RBBP7: variants seen among roughly 807,000 people sequenced by gnomAD.
RBBP7 encodes the protein RB binding protein 7, chromatin remodeling factor.
In RBBP7, 5 loss-of-function variants were observed where a neutral mutation model predicts 35.2. The ratio of observed to expected loss-of-function variants is 0.14; its 90% CI spans 0.07 to 0.30. The LOEUF (loss-of-function observed/expected upper bound fraction) is 0.30. RBBP7 is among the 10% of genes least tolerant of loss of function. RBBP7 has a pLI of 1.00. For missense variants in RBBP7, 155 were observed against 327.5 expected, an observed-to-expected ratio of 0.47 and a Z score of 4.07; for synonymous variants, 140 against 118.7, an observed-to-expected ratio of 1.18 and a Z score of -1.17.
intron 5 of RBBP7, 103 bp from the exon 6 acceptor site, chrX:16,853,945 C>A (rs752298118): frequency 1.0e-5 from 7 of 697,196 alleles, no homozygotes; most frequent in Non-Finnish European, 1.1e-5. Flanking sequence ...CAGGCTGGTG[C>A]GATCTCGGCT....
At position 16,863,238 on chromosome X, in the gene RBBP7, C is replaced by T. The variant is rs41311475; in HGVS notation, c.162-138G>A. On this transcript the variant is annotated intron_variant, in intron 2 of 11. Coordinates refer to ENST00000380087, the MANE Select transcript of RBBP7 (RefSeq NM_002893.4). ...TAGCATCAACTGTGTATCTTCTCCC[C>T]CTCTGGTTACCAACTTTACAATCCC... The T allele has an allele frequency of 1.1e-3, 630 of 566,761 alleles. 1 individual carries two copies. Among genetic ancestry groups the T allele is most frequent in the Non-Finnish European group, 1.4e-3 (499 of 366,268 alleles). The allele number at this position is 566,761 out of a possible 1,213,427, so 46.7% of individuals were successfully genotyped here.
rs768097563 is a variant in RBBP7 at position 16,865,297 on chromosome X, G to A, written c.162-2197C>T. Among the ~76,000 whole-genome samples the A allele has an allele frequency of 1.0e-3, 112 of 111,322 alleles. 1 individual carries two copies. Among genetic ancestry groups the A allele is most frequent in the African/African-American group, 3.1e-3 (96 of 30,681 alleles). The stretch of plus-strand genomic sequence containing the variant: ...AAAAGAGAAATAATAATGCTTGAGA[G>A]AAAGAAGGCACCACAGAGCAATGCT... On this transcript the variant is annotated intron_variant, in intron 2 of 11. Transcript: ENST00000380087.
intron 1 of RBBP7, chrX:16,869,446 CA>C (rs1387082042): frequency 8.7e-7 from 1 of 1,152,859 alleles, no homozygotes; most frequent in African/African-American, 1.8e-5. Flanking sequence ...GTTGGGTAGT[CA>C]ATTACACGGA....
At chrX:16,853,141 T>C (rs1342483242) in intron 6 of RBBP7, 4 of 335,697 alleles carry the variant, frequency 1.2e-5, no homozygotes, top group Admixed American at 5.0e-5. Flanking sequence ...AAATACAGAC[T>C]ATGTAGAGAA....
chrX:16,850,353 T>C (rs749476386), intron 9 of RBBP7, among the ~76,000 whole-genome samples: 5 of 112,588 alleles, frequency 4.4e-5, no homozygotes, highest in African/African-American at 6.5e-5. Context: ...CTAATGTAAT[T>C]TTAATATTAA....
rs754168992 is a variant in RBBP7 at position 16,845,387 on chromosome X, T to A, written c.1210-284A>T. Among the ~76,000 whole-genome samples the A allele has an allele frequency of 9.8e-5, 11 of 112,249 alleles. No individual in the cohort carries two copies. The East Asian group carries it at 2.0e-3, about 20-fold the overall frequency. On this transcript the variant is annotated intron_variant, in intron 11 of 11. Transcript: ENST00000380087. ...TTCAAGCATCGTTTAGAGGAAGTGGTAGCCCAGATGTTATGGAAGTCTCGG... is the reference window on the plus strand; with the variant it reads ...TTCAAGCATCGTTTAGAGGAAGTGGAAGCCCAGATGTTATGGAAGTCTCGG...
intron 1 of RBBP7, chrX:16,869,679 C>G: frequency 9.4e-7 from 1 of 1,066,969 alleles, no homozygotes; most frequent in Non-Finnish European, 1.2e-6. Flanking sequence ...ACAAGGGCCG[C>G]GACCCCGAGG....
chrX:16,858,540 G>C, intron 4 of RBBP7, 136 bp downstream of exon 4: 4 of 957,057 alleles, frequency 4.2e-6, no homozygotes, highest in Non-Finnish European at 5.5e-6. Flanking sequence ...CCCTGAACTT[G>C]AGGATGGTTA....
intron 1 of RBBP7, 42 bp from the exon 2 acceptor site, chrX:16,869,262 AG>A: frequency 1.7e-6 from 2 of 1,179,832 alleles, no homozygotes; most frequent in Non-Finnish European, 2.3e-6. Context: ...TGGCTGAGAT[AG>A]ATCAAAGTCA....
At chrX:16,870,013 C>G in intron 1 of RBBP7, 25 bp downstream of exon 1, 1 of 830,634 alleles carries the variant, frequency 1.2e-6, no homozygotes, top group Non-Finnish European at 1.5e-6. Context: ...GGCCCCGGCG[C>G]GCGCCGCCCC....
At chrX:16,847,323 T>C (rs1422581643) in intron 10 of RBBP7, 2 of 107,118 alleles carry the variant, frequency 1.9e-5, no homozygotes, top group African/African-American at 3.4e-5. Context: ...ATACAAAAAT[T>C]AGCTGGACAT....
At chrX:16,846,207 A>G (rs1052629680) in intron 10 of RBBP7, 1 of 236,203 alleles carries the variant, frequency 4.2e-6, no homozygotes, top group Non-Finnish European at 7.2e-6. Context: ...TGCTTTATCC[A>G]TGAGCCTATA....
At chrX:16,847,381 G>GA (rs1421491318) in intron 10 of RBBP7, 1 of 104,742 alleles carries the variant, frequency 9.5e-6, no homozygotes, top group Non-Finnish European at 2.0e-5. Flanking sequence ...TGAGGCAGGA[G>GA]AATCACTTGA....
At chrX:16,852,365 C>T (rs1930229400) in intron 8 of RBBP7, 186 bp downstream of exon 8, 5 of 569,619 alleles carry the variant, frequency 8.8e-6, no homozygotes, top group Non-Finnish European at 1.5e-5. Flanking sequence ...ATTTATTCGA[C>T]CCCATAACCA....
In RBBP7 at chrX:16,846,159, C is replaced by T; in HGVS notation, c.1099-221G>A. On this transcript the variant is annotated intron_variant, in intron 10 of 11. Transcript: ENST00000380087. Reference sequence around the variant, plus strand: ...ATAGTACAATGGATACCTGTATACCCTTTACCTAGATTCACCAAGTGATAC... The same window carrying T: ...ATAGTACAATGGATACCTGTATACCTTTTACCTAGATTCACCAAGTGATAC... 7.5e-6 allele frequency: 3 copies of T among 399,713 alleles called. No individual in the cohort carries two copies. In the South Asian group the frequency reaches 2.4e-4, roughly 32 times the overall value. The allele number at this position is 399,713 out of a possible 1,213,427, so 32.9% of individuals were successfully genotyped here.
intron 1 of RBBP7, chrX:16,869,539 G>C (rs1384063311): frequency 8.6e-7 from 1 of 1,167,000 alleles, no homozygotes; most frequent in Admixed American, 2.6e-5. Context: ...GCGCGACCCA[G>C]TCGGGAAGAC....
At chrX:16,845,163 TA>T in intron 11 of RBBP7, 60 bp from the exon 12 acceptor site, 1 of 810,807 alleles carries the variant, frequency 1.2e-6, no homozygotes, top group Non-Finnish European at 1.8e-6. Context: ...CATGGTCATG[TA>T]AAAACAATTT....
At chrX:16,869,381 A>C in intron 1 of RBBP7, 161 bp from the exon 2 acceptor site, 1 of 1,049,601 alleles carries the variant, frequency 9.5e-7, no homozygotes, top group Non-Finnish European at 1.3e-6. Context: ...AGAAAATACT[A>C]ACAATCAGGA....
intron 2 of RBBP7, among the ~76,000 whole-genome samples, chrX:16,866,310 G>A (rs1286914446): frequency 9.2e-6 from 1 of 109,104 alleles, no homozygotes; most frequent in African/African-American, 3.3e-5. Flanking sequence ...GGCGGATCAC[G>A]AGGTCAGGAG....
Sources: gnomAD v4.1 joint callset for allele counts (sites outside exome capture counted in the v4.1 genomes callset) on GRCh38, gnomAD v4.1.1 for gene constraint, MANE v1.5 for transcripts, NCBI Gene and HGNC (gene_info 2026-07-23, HGNC 2026-07-21) for gene names.